ZNF658: variants seen among roughly 807,000 people sequenced by gnomAD.
ZNF658 encodes zinc finger protein 658.
ZNF658 carries 46 observed loss-of-function variants against 78.0 expected under a neutral mutation model. That is an observed-to-expected ratio of 0.59 (90% CI 0.47 to 0.75). The LOEUF is 0.75. ZNF658 is among the 30% of genes least tolerant of loss of function. ZNF658 has a pLI of 0.00. For missense variants in ZNF658, 785 were observed against 1,189.3 expected, an observed-to-expected ratio of 0.66 and a Z score of 5.00; for synonymous variants, 279 against 408.4, an observed-to-expected ratio of 0.68 and a Z score of 3.82.
intron 2 of ZNF658, among the ~76,000 whole-genome samples, chr9:66,907,510 C>T (rs1822106664): frequency 6.6e-6 from 1 of 151,994 alleles, no homozygotes; most frequent in Non-Finnish European, 1.5e-5. Context: ...CCATTCCTCA[C>T]CCCTCACCCC....
chr9:66,908,848 A>G lies in ZNF658; in HGVS notation c.238+114A>G, dbSNP rs970402135. On this transcript the variant is annotated intron_variant, in intron 4 of 4. Transcript: ENST00000621410. ...TTGAGATATAATTCACATGCCTACA[A>G]TTCACTCCTTTAAAGTGTACAGGTC... The G allele has an allele frequency of 4.0e-4, 264 of 661,138 alleles. 1 individual carries two copies. The highest frequency in any genetic ancestry group is 3.7e-4 in the Non-Finnish European group (138 of 370,874). 41.0% of individuals were successfully genotyped at this position (661,138 alleles called of 1,614,324 possible).
intron 6 of ZNF658, among the ~76,000 whole-genome samples, chr9:66,928,681 T>C (rs1441456028): frequency 2.1e-5 from 3 of 140,612 alleles, no homozygotes; most frequent in Admixed American, 1.5e-4. Context: ...TGAAACCCCA[T>C]CTCTACTAAA....
intron 4 of ZNF658, 97 bp downstream of exon 4, chr9:66,908,831 T>C (rs1187659722): frequency 2.1e-5 from 15 of 703,450 alleles, no homozygotes; most frequent in African/African-American, 3.6e-5. Context: ...TATTGAGATA[T>C]AATTCACATG....
downstream of ZNF658, among the ~76,000 whole-genome samples, chr9:66,925,410 G>A: frequency 6.6e-6 from 1 of 152,152 alleles, no homozygotes; most frequent in Non-Finnish European, 1.5e-5. Context: ...AAAAGACATT[G>A]CAACTGATGT....
At chr9:66,913,361 G>A (rs564146540) in intron 4 of ZNF658, among the ~76,000 whole-genome samples, 1 of 151,820 alleles carries the variant, frequency 6.6e-6, no homozygotes, top group African/African-American at 2.4e-5. Context: ...GGAGGCAGAG[G>A]TTGCAGTGAG....
intron 4 of ZNF658, among the ~76,000 whole-genome samples, chr9:66,915,121 A>G (rs1168146016): frequency 6.6e-6 from 1 of 151,752 alleles, no homozygotes; most frequent in East Asian, 1.9e-4. Flanking sequence ...AGATTTCATT[A>G]CATTCTTAAG....
Position 66,918,102 on chromosome 9 carries a change from A to G in ZNF658, c.536A>G (p.His179Arg). Residue 179 changes from histidine (H) to arginine (R), a missense_variant, in exon 5 of 5, where the codon CAT (histidine) becomes CGT (arginine). This residue lies in a region of ZNF658 where 393 missense variants were observed against 400.2 expected (regional missense o/e 0.98). Coordinates refer to ENST00000621410, the MANE Select transcript of ZNF658 (RefSeq NM_033160.7). ...VCEKLQLDIK[H>R]EKAHAEEKSY... ...GAGAAACTGCAGCTTGATATTAAGCATGAGAAAGCTCATGCTGAAGAGAAA... is the reference window on the plus strand; with the variant it reads ...GAGAAACTGCAGCTTGATATTAAGCGTGAGAAAGCTCATGCTGAAGAGAAA... The G allele has an allele frequency of 5.0e-6, 8 of 1,589,480 alleles. No homozygotes were observed. The highest frequency in any genetic ancestry group is 2.3e-5 in the South Asian group (2 of 86,414).
intron 1 of ZNF658, 60 bp from the exon 2 acceptor site, chr9:66,903,458 G>GTTA: frequency 9.9e-7 from 1 of 1,014,674 alleles, no homozygotes; most frequent in Non-Finnish European, 1.6e-6. Flanking sequence ...GACCATCTCT[G>GTTA]TAAGAACTGA....
At chr9:66,924,745 TAACAGAAATC>T (rs1349209325), downstream of ZNF658, among the ~76,000 whole-genome samples, 1 of 118,048 alleles carries the variant, frequency 8.5e-6, no homozygotes, top group Non-Finnish European at 1.7e-5. Context: ...CATACCATGT[TAACAGAAATC>T]AACAGAAAGC....
chr9:66,905,063 C>CTTTTTT (rs1822044312), intron 2 of ZNF658, among the ~76,000 whole-genome samples: 1 of 55,548 alleles, frequency 1.8e-5, no homozygotes, highest in Non-Finnish European at 3.3e-5. Context: ...TTCTCTTTTT[C>CTTTTTT]TTTTCTTTTT....
At chr9:66,911,927 TG>T (rs1822221185) in intron 4 of ZNF658, among the ~76,000 whole-genome samples, 1 of 58,442 alleles carries the variant, frequency 1.7e-5, no homozygotes, top group South Asian at 4.9e-4. Flanking sequence ...GAGGCCAAGG[TG>T]GGTGGATCAC....
At chr9:66,905,078 T>TTTTC (rs1822047997) in intron 2 of ZNF658, among the ~76,000 whole-genome samples, 2 of 107,430 alleles carry the variant, frequency 1.9e-5, no homozygotes, top group African/African-American at 7.7e-5. Flanking sequence ...CTTTTTTTTT[T>TTTTC]TTTTTTTTTT....
At chr9:66,910,921 G>C (rs1280695432) in intron 4 of ZNF658, among the ~76,000 whole-genome samples, 2 of 151,534 alleles carry the variant, frequency 1.3e-5, no homozygotes, top group African/African-American at 4.9e-5. Flanking sequence ...AGTAGGAAAA[G>C]CTCTCATTCA....
intron 4 of ZNF658, 120 bp downstream of exon 4, chr9:66,908,854 T>C (rs1415367743): frequency 7.2e-5 from 47 of 648,618 alleles, no homozygotes; most frequent in Admixed American, 5.0e-4. Context: ...TACAATTCAC[T>C]CCTTTAAAGT....
chr9:66,932,014 A>C (rs1822650203), intron 6 of ZNF658: 2 of 135,476 alleles, frequency 1.5e-5, no homozygotes, highest in African/African-American at 2.8e-5. Flanking sequence ...CTCTCTCTCC[A>C]TTTCCCTCAG....
At chr9:66,930,330 G>A (rs1822628470) in intron 6 of ZNF658, among the ~76,000 whole-genome samples, 1 of 145,164 alleles carries the variant, frequency 6.9e-6, no homozygotes, top group Non-Finnish European at 1.5e-5. Context: ...ACAAACACTA[G>A]GTGCTAGAAA....
At chr9:66,905,032 ATTTATCT>A (rs1157643729) in intron 2 of ZNF658, among the ~76,000 whole-genome samples, 16,717 of 85,308 alleles carry the variant, frequency 0.2, 3,263 homozygotes, top group African/African-American at 0.25. Context: ...CCAGGTGTGG[ATTTATCT>A]TTTCTTTTTT....
intron 1 of ZNF658, among the ~76,000 whole-genome samples, chr9:66,901,806 TG>T (rs1349289564): frequency 6.6e-6 from 1 of 151,548 alleles, no homozygotes; most frequent in Admixed American, 6.6e-5. Context: ...TAGCCGGGCG[TG>T]GTGGTGCACT....
In ZNF658 at chr9:66,918,689, C is replaced by G; in HGVS notation, c.1123C>G (p.His375Asp). ...AGACTTTACAGCACATCAGAGAATT[C>G]ACACAGAAGATAAATTCTACCTTTC... ...KLDFTAHQRI[H>D]TEDKFYLSDE... is the part of the protein sequence containing the mutation. Residue 375 changes from histidine (H) to aspartate (D), a missense_variant, in exon 5 of 5, where the codon CAC (histidine) becomes GAC (aspartate). This residue lies in a region of ZNF658 where 393 missense variants were observed against 400.2 expected (regional missense o/e 0.98). Transcript: ENST00000621410. 1 of 1,613,902 alleles carries G rather than the reference C, an allele frequency of 6.2e-7. No homozygotes were observed. The highest frequency in any genetic ancestry group is 8.5e-7 in the Non-Finnish European group (1 of 1,179,860).
Sources: gnomAD v4.1 joint callset for allele counts (sites outside exome capture counted in the v4.1 genomes callset) on GRCh38, gnomAD v4.1.1 for gene constraint, gnomAD v4.1.1 regional missense constraint, MANE v1.5 for transcripts, NCBI Gene and HGNC (gene_info 2026-07-23, HGNC 2026-07-21) for gene names.